RYR3: variants seen among roughly 807,000 people sequenced by gnomAD.
RYR3 encodes the protein brain ryanodine receptor-calcium release channel.
A neutral mutation model predicts 584.3 loss-of-function variants in RYR3; 207 were observed. The ratio of observed to expected loss-of-function variants is 0.35; its 90% confidence interval spans 0.32 to 0.40. The LOEUF (loss-of-function observed/expected upper bound fraction) is 0.40. Among genes scored for constraint, RYR3 ranks in the 10% least tolerant of loss-of-function variants. The pLI, the probability that RYR3 is intolerant of heterozygous loss-of-function variation, is 1.00. For synonymous variants in RYR3, 2,416 were observed against 2,248.5 expected (o/e 1.07, Z -2.11); for missense variants, 5,616 against 6,089.2 (o/e 0.92, Z 2.59).
intron 1 of RYR3, among the ~76,000 whole-genome samples, chr15:33,427,918 G>T (rs2044780604): frequency 6.6e-6 from 1 of 152,242 alleles, no homozygotes; most frequent in Non-Finnish European, 1.5e-5. Flanking sequence ...AAGTAGACAG[G>T]AAATGCTCAT....
At chr15:33,709,616 C>G (rs139712982) in intron 43 of RYR3, among the ~76,000 whole-genome samples, 2,351 of 152,314 alleles carry the variant, frequency 0.015, 65 homozygotes, top group African/African-American at 0.054. Context: ...ATCTTGCTTT[C>G]TTGTGCACAC....
chr15:33,716,229 CT>C (rs1350355017), intron 43 of RYR3, among the ~76,000 whole-genome samples: 1 of 152,184 alleles, frequency 6.6e-6, no homozygotes, highest in African/African-American at 2.4e-5. Context: ...AACCTCTTTT[CT>C]TTATAAATTA....
chr15:33,762,097 T>C (rs182088092), intron 60 of RYR3, among the ~76,000 whole-genome samples: 15 of 152,266 alleles, frequency 9.9e-5, no homozygotes, highest in Non-Finnish European at 2.2e-4. Flanking sequence ...TAGGTGTTGA[T>C]GGAAAATATC....
At chr15:33,845,179 C>A in intron 93 of RYR3, 117 bp downstream of exon 93, 1 of 918,068 alleles carries the variant, frequency 1.1e-6, no homozygotes, top group Non-Finnish European at 1.7e-6. Flanking sequence ...TCGTAAGGTC[C>A]GTAGAGCAGC....
At chr15:33,739,235 T>C (rs1348167557) in intron 50 of RYR3, among the ~76,000 whole-genome samples, 1 of 152,240 alleles carries the variant, frequency 6.6e-6, no homozygotes, top group African/African-American at 2.4e-5. Context: ...ATCTAGAACA[T>C]GCACATAGCT....
intron 1 of RYR3, among the ~76,000 whole-genome samples, chr15:33,450,690 C>T (rs2047059116): frequency 6.6e-6 from 1 of 152,026 alleles, no homozygotes. Flanking sequence ...CCTTACCTTG[C>T]AGAGTACTGA....
At chr15:33,726,556 G>T in intron 46 of RYR3, 50 bp downstream of exon 46, 7 of 1,535,722 alleles carry the variant, frequency 4.6e-6, no homozygotes, top group Non-Finnish European at 6.1e-6. Flanking sequence ...GCAGCCACTG[G>T]CTCGGGGCAG....
rs147928703 is a variant in RYR3 at position 33,423,911 on chromosome 15, G to A, written c.52-49508G>A. 3.3e-5 allele frequency among the ~76,000 whole-genome samples: 5 copies of A among 152,178 alleles called. No homozygotes were observed. In the East Asian group the frequency reaches 5.8e-4, roughly 18 times the overall value. On this transcript the variant is annotated intron_variant, in intron 1 of 103. Coordinates refer to ENST00000634891, the MANE Select transcript of RYR3 (RefSeq NM_001036.6). ...TAAAAATTTTAAAGTAAGAAAACCC[G>A]TTGCTCTGAAATATCCTCCAATGCA...
intron 3 of RYR3, among the ~76,000 whole-genome samples, chr15:33,527,594 A>AC (rs1279040091): frequency 6.6e-6 from 1 of 151,960 alleles, no homozygotes; most frequent in East Asian, 1.9e-4. Flanking sequence ...CTCAAAAAAA[A>AC]AAAAAAAGGC....
chr15:33,565,696 GACCTTGACTTGAACCAGGATCAAACTA>G (rs1435434622), intron 11 of RYR3, among the ~76,000 whole-genome samples: 8 of 152,084 alleles, frequency 5.3e-5, no homozygotes, highest in African/African-American at 1.9e-4. Flanking sequence ...ATCAGGATTT[GACCTTGACTTGAACCAGGATCAAACTA>G]ACCTTGACTT....
intron 1 of RYR3, among the ~76,000 whole-genome samples, chr15:33,420,361 C>A (rs1206975756): frequency 1.3e-5 from 2 of 152,070 alleles, no homozygotes; most frequent in African/African-American, 2.4e-5. Flanking sequence ...AAGCCCAGGG[C>A]CTGTTTATAA....
In RYR3 at chr15:33,748,255, A is replaced by C; in HGVS notation, c.8131A>C (p.Asn2711His). The change falls in exon 54 of 104, where the codon AAC becomes CAC. Residue 2711 changes from asparagine (N) to histidine (H), a missense_variant. Physicochemically the swap from Asn to His is moderately conservative, Grantham distance 68 (BLOSUM62 1). Coordinates refer to ENST00000634891, the MANE Select transcript of RYR3 (RefSeq NM_001036.6). ...GAAGCTTCGAAGTGTGTCCCAGGCC[A>C]ACCAGGTATGACACCACACCCAGAG... ...NEKLRSVSQA[N>H]QGNSYSPAPL... The C allele has an allele frequency of 6.2e-7, 1 of 1,613,770 alleles. No individual in the cohort carries two copies. The highest frequency in any genetic ancestry group is 8.5e-7 in the Non-Finnish European group (1 of 1,179,836).
At chr15:33,483,897 C>T (rs1447390649) in intron 2 of RYR3, among the ~76,000 whole-genome samples, 1 of 152,052 alleles carries the variant, frequency 6.6e-6, no homozygotes, top group Non-Finnish European at 1.5e-5. Flanking sequence ...CATCTATTCC[C>T]CATGGATCCT....
rs1202720494 is a variant in RYR3, at chr15:33,775,249, A to AT, written c.9137+1642dup. 3.3e-5 allele frequency among the ~76,000 whole-genome samples: 5 copies of AT among 151,478 alleles called. No homozygotes were observed. In the South Asian group the frequency reaches 8.4e-4, roughly 25 times the overall value. ...GGCTGTCCCTATTGCTTTTTTCTGT[A>AT]TTTTTTTTCCTAAATATTTTTTCCC... On this transcript the variant is annotated intron_variant, in intron 64 of 103. Transcript: ENST00000634891.
chr15:33,575,142 A>AC (rs1165200396), intron 12 of RYR3, among the ~76,000 whole-genome samples: 2 of 152,128 alleles, frequency 1.3e-5, no homozygotes, highest in Admixed American at 1.3e-4. Context: ...GTTCTTAGAG[A>AC]CCTGCAAAGA....
At chr15:33,789,964 G>A (rs1191904725) in intron 67 of RYR3, among the ~76,000 whole-genome samples, 3 of 135,440 alleles carry the variant, frequency 2.2e-5, no homozygotes, top group Non-Finnish European at 3.1e-5. Context: ...GATTACAGGC[G>A]TGAGCCACCA....
chr15:33,703,053 T>A (rs758520672), intron 42 of RYR3, among the ~76,000 whole-genome samples: 40 of 152,074 alleles, frequency 2.6e-4, no homozygotes, highest in Non-Finnish European at 4.1e-4. Context: ...GATTTACCAC[T>A]CACGAAGATT....
rs976150028 is a variant in RYR3 at position 33,762,384 on chromosome 15, A to T, written c.8705+4788A>T. Among the ~76,000 whole-genome samples, 4 of 152,236 alleles carry T rather than the reference A, an allele frequency of 2.6e-5. No individual in the cohort carries two copies. In the East Asian group the frequency reaches 7.7e-4, roughly 29 times the overall value. ...ATCGACTCAGCCCAAAAACCCCTTA[A>T]GCTGATAAGCAACTTAAGCAAAGTC... is the stretch of plus-strand genomic sequence containing the variant. On this transcript the variant is annotated intron_variant, in intron 60 of 103. Transcript: ENST00000634891.
At chr15:33,366,465 T>A (rs941151519) in intron 1 of RYR3, among the ~76,000 whole-genome samples, 12 of 152,136 alleles carry the variant, frequency 7.9e-5, no homozygotes, top group African/African-American at 2.9e-4. Context: ...AGAAGATAAA[T>A]TTAAATAAAA....
Sources: allele counts gnomAD v4.1 joint callset (sites outside exome capture counted in the v4.1 genomes callset), GRCh38; gene constraint gnomAD v4.1.1; transcripts MANE v1.5; gene names NCBI Gene and HGNC (gene_info 2026-07-23, HGNC 2026-07-21).